DCAF1: variants seen among roughly 807,000 people sequenced by gnomAD.
The protein encoded by DCAF1 is DDB1- and CUL4-associated factor 1.
In DCAF1, 15 loss-of-function variants were observed where a neutral mutation model predicts 128.0. The ratio of observed to expected loss-of-function variants is 0.12; its 90% confidence interval spans 0.08 to 0.18. DCAF1 has a LOEUF of 0.18. Ranked by LOEUF, DCAF1 falls within the 10% of genes least tolerant of loss-of-function variation. The pLI is 1.00. For synonymous variants in DCAF1, 610 were observed against 603.0 expected (o/e 1.01, Z -0.17); for missense variants, 988 against 1,649.5 (o/e 0.60, Z 6.95).
At chr3:51,492,864 G>A (rs1250757795) in intron 2 of DCAF1, among the ~76,000 whole-genome samples, 1 of 151,786 alleles carries the variant, frequency 6.6e-6, no homozygotes, top group Non-Finnish European at 1.5e-5. Context: ...CGTGGTGGCA[G>A]GCACCAGTAG....
In DCAF1 at chr3:51,493,507, T is replaced by C. The variant is rs116728565; in HGVS notation, c.-9+3227A>G. Among the ~76,000 whole-genome samples the C allele has an allele frequency of 6.1e-3, 922 of 152,122 alleles. 17 individuals are homozygous for C. Among genetic ancestry groups the C allele is most frequent in the African/African-American group, 0.021 (859 of 41,518 alleles). On this transcript the variant is annotated intron_variant, in intron 2 of 24. Transcript: ENST00000684031. ...ACACAAATGTTCTTGGTAGCATTAT[T>C]CACAATAGCCAAAAAGTAGAAACAA...
chr3:51,403,078 G>T, intron 24 of DCAF1, 65 bp downstream of exon 24: 2 of 1,534,180 alleles, frequency 1.3e-6, no homozygotes, highest in Admixed American at 2.0e-5. Flanking sequence ...TAAGTTGTAT[G>T]GGCACAAAAG....
chr3:51,464,437 G>A (rs1553645803), intron 5 of DCAF1, among the ~76,000 whole-genome samples: 3 of 151,982 alleles, frequency 2.0e-5, no homozygotes, highest in African/African-American at 7.2e-5. Flanking sequence ...GCTCATCCCT[G>A]TAATCCCAGC....
At chr3:51,427,134 T>A (rs1301856938) in intron 13 of DCAF1, among the ~76,000 whole-genome samples, 3 of 152,242 alleles carry the variant, frequency 2.0e-5, no homozygotes, top group African/African-American at 7.2e-5. Flanking sequence ...TCTCCGACAG[T>A]ACAGAGGCTA....
At chr3:51,436,358 G>A (rs1553636678) in intron 9 of DCAF1, 2 of 520,024 alleles carry the variant, frequency 3.8e-6, no homozygotes, top group Admixed American at 3.9e-5. Flanking sequence ...GAATCAAGTA[G>A]TGGACCATTC....
chr3:51,464,889 A>G (rs1703978268), intron 5 of DCAF1, among the ~76,000 whole-genome samples: 1 of 152,190 alleles, frequency 6.6e-6, no homozygotes. Context: ...GAGGGCCAGA[A>G]GGCAAGAACT....
intron 13 of DCAF1, 108 bp downstream of exon 13, chr3:51,427,264 T>G: frequency 1.7e-6 from 1 of 576,092 alleles, no homozygotes; most frequent in East Asian, 2.9e-5. Flanking sequence ...GTCCAAAATT[T>G]CAATTCAATT....
chr3:51,444,698 CAG>C (rs1167668349), intron 6 of DCAF1, among the ~76,000 whole-genome samples: 5 of 148,370 alleles, frequency 3.4e-5, no homozygotes, highest in Non-Finnish European at 5.9e-5. Flanking sequence ...TTAATTGAGA[CAG>C]AGTCTTGCTC....
intron 24 of DCAF1, among the ~76,000 whole-genome samples, chr3:51,399,814 C>A (rs1201220784): frequency 6.6e-6 from 1 of 152,014 alleles, no homozygotes; most frequent in African/African-American, 2.4e-5. Flanking sequence ...ACAGACAAAC[C>A]CTGAGCCCGT....
intron 24 of DCAF1, among the ~76,000 whole-genome samples, chr3:51,401,157 C>T (rs1334921965): frequency 1.4e-5 from 2 of 141,990 alleles, no homozygotes; most frequent in Non-Finnish European, 3.1e-5. Context: ...AAAAAAAGAT[C>T]TCAGAATCAA....
chr3:51,492,886 C>T (rs1447386644), intron 2 of DCAF1, among the ~76,000 whole-genome samples: 3 of 151,656 alleles, frequency 2.0e-5, no homozygotes, highest in Non-Finnish European at 4.4e-5. Context: ...CCCACCTACT[C>T]GGGAGACTGA....
At chr3:51,431,724 G>A (rs2107564984) in intron 10 of DCAF1, among the ~76,000 whole-genome samples, 1 of 151,918 alleles carries the variant, frequency 6.6e-6, no homozygotes, top group Admixed American at 6.6e-5. Context: ...AGCCATGGTG[G>A]GAGGAGTACT....
chr3:51,482,389 G>A lies in DCAF1; in HGVS notation c.110+1330C>T, dbSNP rs530083566. On this transcript the variant is annotated intron_variant, in intron 3 of 24. Transcript: ENST00000684031. The stretch of plus-strand genomic sequence containing the variant: ...GAGTCCAGGAGATCAAGGCTGCAGT[G>A]AGCTGAGATCATGCCACTACAGCCT... Among the ~76,000 whole-genome samples the A allele has an allele frequency of 1.8e-4, 27 of 151,030 alleles. 1 individual carries two copies. In the South Asian group the frequency reaches 5.5e-3, roughly 31 times the overall value.
Position 51,497,071 on chromosome 3 carries a change from G to A in DCAF1, c.-55-291C>T, listed in dbSNP as rs541387569. ...GCACTTTGGGAGACTGAAGTGGGTG[G>A]ATTACTTGAGGCCAAAAGTTCAAGA... is the stretch of plus-strand genomic sequence containing the variant. On this transcript the variant is annotated intron_variant, in intron 1 of 24. Coordinates refer to ENST00000684031, the MANE Select transcript of DCAF1 (RefSeq NM_001387579.1). 7.6e-4 allele frequency among the ~76,000 whole-genome samples: 115 copies of A among 151,988 alleles called. 3 individuals are homozygous for A. The South Asian group carries it at 0.023, about 31-fold the overall frequency.
At chr3:51,452,264 A>G (rs782033593) in intron 6 of DCAF1, among the ~76,000 whole-genome samples, 3 of 152,172 alleles carry the variant, frequency 2.0e-5, no homozygotes, top group Non-Finnish European at 4.4e-5. Flanking sequence ...TCCAGGCTGA[A>G]TAAGTCTTAA....
At chr3:51,487,441 C>T (rs1707103839) in intron 2 of DCAF1, among the ~76,000 whole-genome samples, 1 of 152,176 alleles carries the variant, frequency 6.6e-6, no homozygotes, top group African/African-American at 2.4e-5. Flanking sequence ...ATTAACTAAA[C>T]TCCAGACCTG....
chr3:51,483,139 G>GAAAA (rs374351985), intron 3 of DCAF1, among the ~76,000 whole-genome samples: 1 of 125,050 alleles, frequency 8.0e-6, no homozygotes, highest in Admixed American at 8.9e-5. Context: ...AACTCCGTAT[G>GAAAA]AAAAAAAAAA....
intron 6 of DCAF1, 88 bp downstream of exon 6, chr3:51,463,026 G>A (rs1448937911): frequency 1.2e-6 from 1 of 817,846 alleles, no homozygotes; most frequent in Non-Finnish European, 1.8e-6. Context: ...AACAAAAACT[G>A]TAACAATGAT....
chr3:51,443,584 C>T (rs1415114180), intron 7 of DCAF1, among the ~76,000 whole-genome samples, 182 bp downstream of exon 7: 4 of 147,864 alleles, frequency 2.7e-5, no homozygotes, highest in South Asian at 4.3e-4. Context: ...AGCAAGACTC[C>T]GTCTCAAAAA....
Sources: allele counts gnomAD v4.1 joint callset (sites outside exome capture counted in the v4.1 genomes callset), GRCh38; gene constraint gnomAD v4.1.1; transcripts MANE v1.5; gene names NCBI Gene and HGNC (gene_info 2026-07-23, HGNC 2026-07-21).